The following HOOK3 variants were observed in gnomAD, a reference collection of about 807,000 sequenced individuals.
HOOK3 encodes the protein protein Hook homolog 3.
HOOK3 carries 24 observed loss-of-function variants against 116.3 expected under a neutral mutation model. That is an observed-to-expected ratio of 0.21 (90% CI 0.15 to 0.29). HOOK3 has a LOEUF of 0.29. Among genes scored for constraint, HOOK3 ranks in the 10% least tolerant of loss-of-function variants. HOOK3 has a pLI of 1.00. For missense variants in HOOK3, 632 were observed against 830.2 expected, an observed-to-expected ratio of 0.76 and a Z score of 2.93; for synonymous variants, 275 against 283.0, an observed-to-expected ratio of 0.97 and a Z score of 0.28.
chr8:42,961,988 T>C (rs1251293855), intron 8 of HOOK3, among the ~76,000 whole-genome samples: 1 of 152,050 alleles, frequency 6.6e-6, no homozygotes, highest in African/African-American at 2.4e-5. Context: ...GGTTTTGCCA[T>C]ATTGCCCAGG....
intron 15 of HOOK3, chr8:42,994,576 G>A (rs1457760357): frequency 1.5e-5 from 3 of 202,866 alleles, no homozygotes; most frequent in African/African-American, 7.1e-5. Flanking sequence ...TGGTCATTCA[G>A]GAACATATTG....
chr8:43,029,813 G>A lies in HOOK3; in HGVS notation c.*11315G>A, dbSNP rs541516976. On this transcript the variant is annotated 3_prime_UTR_variant, in exon 22 of 22. Transcript: ENST00000307602. Reference sequence around the variant, plus strand: ...GATGAAACCTTAGTACATTGGAGCTGGAGTTGTATTGAGTACAGCCCCAAC... The same window carrying A: ...GATGAAACCTTAGTACATTGGAGCTAGAGTTGTATTGAGTACAGCCCCAAC... 4.7e-6 allele frequency: 1 copy of A among 211,046 alleles called. No individual in the cohort carries two copies. The highest frequency in any genetic ancestry group is 1.9e-4 in the South Asian group (1 of 5,316). The allele number at this position is 211,046 out of a possible 1,614,324, so 13.1% of individuals were successfully genotyped here.
At chr8:43,008,872 G>A (rs1809548127) in intron 18 of HOOK3, among the ~76,000 whole-genome samples, 1 of 150,184 alleles carries the variant, frequency 6.7e-6, no homozygotes, top group African/African-American at 2.4e-5. Context: ...TTTTAGCCGG[G>A]ATGGTCTCGA....
At chr8:42,910,599 T>C (rs1563288960) in intron 2 of HOOK3, among the ~76,000 whole-genome samples, 1 of 152,250 alleles carries the variant, frequency 6.6e-6, no homozygotes, top group Non-Finnish European at 1.5e-5. Context: ...GTATGTACTC[T>C]TGTGTTTGTC....
At chr8:42,932,230 G>A (rs1807887995) in intron 4 of HOOK3, among the ~76,000 whole-genome samples, 1 of 152,070 alleles carries the variant, frequency 6.6e-6, no homozygotes, top group East Asian at 1.9e-4. Context: ...CATAGGGTTG[G>A]TATTAGACAC....
At chr8:42,982,759 T>C in intron 14 of HOOK3, 63 bp downstream of exon 14, 2 of 1,026,592 alleles carry the variant, frequency 1.9e-6, no homozygotes, top group Non-Finnish European at 3.1e-6. Flanking sequence ...CGTACTTCTC[T>C]ACAATATGAA....
At chr8:42,941,634 G>T (rs186081198) in intron 4 of HOOK3, among the ~76,000 whole-genome samples, 1 of 151,652 alleles carries the variant, frequency 6.6e-6, no homozygotes, top group East Asian at 1.9e-4. Flanking sequence ...ATTTAATCTG[G>T]TTGGTGGTAT....
Position 43,030,074 on chromosome 8 carries a change from A to G in HOOK3, c.*11576A>G. 1 of 211,716 alleles carries G rather than the reference A, an allele frequency of 4.7e-6. No homozygotes were observed. The highest frequency in any genetic ancestry group is 9.6e-6 in the Non-Finnish European group (1 of 104,618). The allele number at this position is 211,716 out of a possible 1,614,324, so 13.1% of individuals were successfully genotyped here. ...AGACTTGGAACTTCTCACTTCAAAA[A>G]TGAAATACAGATTTAGCAGTGTTGT... On this transcript the variant is annotated 3_prime_UTR_variant, in exon 22 of 22. Coordinates refer to ENST00000307602, the MANE Select transcript of HOOK3 (RefSeq NM_032410.4).
intron 2 of HOOK3, among the ~76,000 whole-genome samples, chr8:42,919,445 C>T (rs1241348264): frequency 1.3e-5 from 2 of 151,474 alleles, no homozygotes; most frequent in Non-Finnish European, 2.9e-5. Context: ...CAGAGACGCT[C>T]CTCACTTCCC....
chr8:43,005,848 C>G (rs911214629), intron 17 of HOOK3, among the ~76,000 whole-genome samples: 2 of 149,916 alleles, frequency 1.3e-5, no homozygotes, highest in African/African-American at 4.9e-5. Flanking sequence ...GGCCCCCCCC[C>G]ACCACACCCA....
Position 43,020,385 on chromosome 8 carries a change from TGTTTCACAAATAGC to T in HOOK3, c.*1888_*1901del, listed in dbSNP as rs1809801881. On this transcript the variant is annotated 3_prime_UTR_variant, in exon 22 of 22. Transcript: ENST00000307602. ...TTCAGACGGTTCTTACCTCTACCCG[TGTTTCACAAATAGC>T]CTGAGGATCCAACTATTTTTAAAGC... The T allele has an allele frequency of 1.0e-5, 2 of 192,392 alleles. No individual in the cohort carries two copies. Among genetic ancestry groups the T allele is most frequent in the Non-Finnish European group, 2.2e-5 (2 of 92,098 alleles). 11.9% of individuals were successfully genotyped at this position (192,392 alleles called of 1,614,324 possible).
chr8:42,954,898 G>C (rs78000896), intron 6 of HOOK3, among the ~76,000 whole-genome samples: 1 of 152,172 alleles, frequency 6.6e-6, no homozygotes, highest in East Asian at 1.9e-4. Flanking sequence ...AATTAGGGTA[G>C]GGGAAATTCT....
At chr8:42,992,261 G>A (rs1809177795) in intron 15 of HOOK3, among the ~76,000 whole-genome samples, 1 of 149,584 alleles carries the variant, frequency 6.7e-6, no homozygotes, top group African/African-American at 2.5e-5. Context: ...TTAGCTAGGC[G>A]TGGTGGTGAG....
chr8:42,897,732 A>G (rs1312424201), intron 1 of HOOK3, among the ~76,000 whole-genome samples: 1 of 152,264 alleles, frequency 6.6e-6, no homozygotes, highest in Non-Finnish European at 1.5e-5. Flanking sequence ...GGCGTCAACA[A>G]TGGAACTCGA....
intron 1 of HOOK3, among the ~76,000 whole-genome samples, chr8:42,901,974 C>T (rs1807199468): frequency 6.6e-6 from 1 of 152,204 alleles, no homozygotes; most frequent in Admixed American, 6.5e-5. Context: ...TCCAAATGTT[C>T]TGGGATTACA....
At chr8:42,937,024 C>G (rs2130374063) in intron 4 of HOOK3, among the ~76,000 whole-genome samples, 1 of 151,998 alleles carries the variant, frequency 6.6e-6, no homozygotes, top group East Asian at 1.9e-4. Context: ...TGGTCCTGGG[C>G]TTTTTTTGGT....
chr8:42,900,822 A>T (rs1208350753), intron 1 of HOOK3, among the ~76,000 whole-genome samples: 1 of 152,192 alleles, frequency 6.6e-6, no homozygotes, highest in Non-Finnish European at 1.5e-5. Context: ...AGAGATTCTC[A>T]TGCTTTAGTG....
chr8:42,933,548 C>T (rs1163813105), intron 4 of HOOK3, among the ~76,000 whole-genome samples: 1 of 152,226 alleles, frequency 6.6e-6, no homozygotes, highest in Non-Finnish European at 1.5e-5. Context: ...CTTTCACCCT[C>T]CTTCTGGGAA....
At chr8:43,011,560 C>G (rs1451692516) in intron 19 of HOOK3, among the ~76,000 whole-genome samples, 2 of 151,852 alleles carry the variant, frequency 1.3e-5, no homozygotes, top group African/African-American at 4.8e-5. Flanking sequence ...TTTCTATGGG[C>G]TTGAACATTT....
Sources: gnomAD v4.1 joint callset for allele counts (sites outside exome capture counted in the v4.1 genomes callset) on GRCh38, gnomAD v4.1.1 for gene constraint, MANE v1.5 for transcripts, NCBI Gene and HGNC (gene_info 2026-07-23, HGNC 2026-07-21) for gene names.